Variants in KCNMA1 observed in about 807,000 individuals in gnomAD.
The protein encoded by KCNMA1 is Calcium-activated potassium channel subunit alpha-1.
A neutral mutation model predicts 140.0 loss-of-function variants in KCNMA1; 29 were observed. That is an observed-to-expected ratio of 0.21 (90% CI 0.15 to 0.28). KCNMA1 has a LOEUF of 0.28. Ranked by LOEUF, KCNMA1 falls within the 10% of genes least tolerant of loss-of-function variation. KCNMA1 has a pLI of 1.00. For synonymous variants in KCNMA1, 612 were observed against 611.9 expected (o/e 1.00, Z 0.00); for missense variants, 880 against 1,602.2 (o/e 0.55, Z 7.70).
intron 1 of KCNMA1, among the ~76,000 whole-genome samples, chr10:77,452,391 T>C (rs2097679617): frequency 6.6e-6 from 1 of 152,180 alleles, no homozygotes; most frequent in Non-Finnish European, 1.5e-5. Context: ...GGGTTAACTT[T>C]TGTGAAAGTT....
intron 2 of KCNMA1, among the ~76,000 whole-genome samples, chr10:77,354,955 G>A (rs1455551534): frequency 6.6e-6 from 1 of 152,170 alleles, no homozygotes; most frequent in Non-Finnish European, 1.5e-5. Context: ...CATTTGATAT[G>A]GTTTGGCTCT....
intron 1 of KCNMA1, among the ~76,000 whole-genome samples, chr10:77,556,552 A>T (rs2064532412): frequency 6.7e-6 from 1 of 149,988 alleles, no homozygotes; most frequent in Admixed American, 6.6e-5. Context: ...TGTAAAGTGC[A>T]GTCTATGGAA....
intron 23 of KCNMA1, among the ~76,000 whole-genome samples, chr10:76,938,852 G>T (rs1453132047): frequency 6.6e-6 from 1 of 151,866 alleles, no homozygotes; most frequent in African/African-American, 2.4e-5. Flanking sequence ...AGCTCACTTT[G>T]CCTCCACCTG....
chr10:76,967,226 G>C (rs1196148697), intron 20 of KCNMA1, among the ~76,000 whole-genome samples: 1 of 152,154 alleles, frequency 6.6e-6, no homozygotes, highest in Non-Finnish European at 1.5e-5. Context: ...CAGAATGATT[G>C]ATTCTGCTCA....
intron 1 of KCNMA1, among the ~76,000 whole-genome samples, chr10:77,606,214 C>T (rs906852911): frequency 6.6e-5 from 10 of 152,162 alleles, no homozygotes; most frequent in African/African-American, 2.2e-4. Flanking sequence ...TCCCACTGTC[C>T]CACTGTCCTA....
intron 1 of KCNMA1, among the ~76,000 whole-genome samples, chr10:77,561,174 C>T (rs1259665044): frequency 6.6e-6 from 1 of 151,852 alleles, no homozygotes; most frequent in Non-Finnish European, 1.5e-5. Context: ...GCTAACATTC[C>T]CTGAAAACTA....
At position 77,075,306 on chromosome 10, in the gene KCNMA1, A is replaced by G. The variant is rs189880704; in HGVS notation, c.1594-2054T>C. Reference sequence around the variant, plus strand: ...CCCTTTTACTTCCTGGGCATCGTAGAGAACACATTGGTATAACTGGAGAAA... The same window carrying G: ...CCCTTTTACTTCCTGGGCATCGTAGGGAACACATTGGTATAACTGGAGAAA... On this transcript the variant is annotated intron_variant, in intron 13 of 27. Coordinates refer to ENST00000286628, the MANE Select transcript of KCNMA1 (RefSeq NM_001161352.2). 3.2e-3 allele frequency among the ~76,000 whole-genome samples: 491 copies of G among 152,352 alleles called. 2 individuals are homozygous for G. Among genetic ancestry groups the G allele is most frequent in the Non-Finnish European group, 4.9e-3 (333 of 68,032 alleles).
chr10:76,914,121 C>A (rs1276879098), intron 24 of KCNMA1: 4 of 1,550,338 alleles, frequency 2.6e-6, no homozygotes, highest in South Asian at 2.4e-5. Context: ...ATACCAAAGG[C>A]AACTTGCCCG....
rs558483532 is a variant in KCNMA1, at chr10:77,374,818, C to T, written c.540+29044G>A. ...AAAGCTGGTAGGGTTCCCCATGACCCCTAGGACTGAATGAGTGCCCACATT... is the reference window on the plus strand; with the variant it reads ...AAAGCTGGTAGGGTTCCCCATGACCTCTAGGACTGAATGAGTGCCCACATT... On this transcript the variant is annotated intron_variant, in intron 2 of 27. Transcript: ENST00000286628. Among the ~76,000 whole-genome samples, 85 of 152,300 alleles carry T rather than the reference C, an allele frequency of 5.6e-4. No individual in the cohort carries two copies. In the South Asian group the frequency reaches 0.017, roughly 31 times the overall value.
intron 1 of KCNMA1, among the ~76,000 whole-genome samples, chr10:77,453,216 TCA>T (rs2097695640): frequency 6.6e-6 from 1 of 152,110 alleles, no homozygotes; most frequent in East Asian, 1.9e-4. Flanking sequence ...TCCTAAGCAC[TCA>T]GTTTTAAAAT....
chr10:77,528,434 C>T (rs2056555031), intron 1 of KCNMA1, among the ~76,000 whole-genome samples: 1 of 151,972 alleles, frequency 6.6e-6, no homozygotes, highest in South Asian at 2.1e-4. Context: ...CATGGTGAAA[C>T]CCTGTCTCTA....
intron 5 of KCNMA1, among the ~76,000 whole-genome samples, chr10:77,180,015 G>A (rs776271417): frequency 1.3e-5 from 2 of 152,192 alleles, no homozygotes; most frequent in Non-Finnish European, 2.9e-5. Flanking sequence ...TGTGGGGAGC[G>A]TTCTGGGACA....
chr10:77,356,674 A>T (rs1388925222), intron 2 of KCNMA1, among the ~76,000 whole-genome samples: 1 of 152,102 alleles, frequency 6.6e-6, no homozygotes, highest in Non-Finnish European at 1.5e-5. Flanking sequence ...ACCCAACCAA[A>T]CCATATCATA....
chr10:77,340,247 C>G (rs1022023770), intron 2 of KCNMA1, among the ~76,000 whole-genome samples: 1 of 152,196 alleles, frequency 6.6e-6, no homozygotes, highest in Admixed American at 6.5e-5. Context: ...AATAGGAACA[C>G]TTTTACACTG....
At chr10:77,191,689 T>C (rs981863840) in intron 3 of KCNMA1, among the ~76,000 whole-genome samples, 1 of 152,162 alleles carries the variant, frequency 6.6e-6, no homozygotes, top group Non-Finnish European at 1.5e-5. Flanking sequence ...CATCCATCAA[T>C]AGTAATGATG....
At chr10:77,566,784 C>T (rs1358315105) in intron 1 of KCNMA1, among the ~76,000 whole-genome samples, 2 of 152,128 alleles carry the variant, frequency 1.3e-5, no homozygotes, top group African/African-American at 2.4e-5. Context: ...TGTTCATGTA[C>T]TCACTTCGTG....
intron 2 of KCNMA1, among the ~76,000 whole-genome samples, chr10:77,391,720 T>C (rs533311440): frequency 6.6e-6 from 1 of 152,108 alleles, no homozygotes; most frequent in South Asian, 2.1e-4. Context: ...TTGGGCTGTT[T>C]GGGGCCCGTA....
intron 1 of KCNMA1, among the ~76,000 whole-genome samples, chr10:77,414,471 A>G (rs2096690902): frequency 6.6e-6 from 1 of 150,910 alleles, no homozygotes; most frequent in Non-Finnish European, 1.5e-5. Flanking sequence ...CCTGCAAGAT[A>G]GGAATGTTTT....
chr10:77,418,531 G>A (rs975109056), intron 1 of KCNMA1, among the ~76,000 whole-genome samples: 3 of 152,040 alleles, frequency 2.0e-5, no homozygotes, highest in Non-Finnish European at 4.4e-5. Context: ...AGAGCTCACC[G>A]AGTGTCTGGA....
Sources: gnomAD v4.1 joint callset for allele counts (sites outside exome capture counted in the v4.1 genomes callset) on GRCh38, gnomAD v4.1.1 for gene constraint, MANE v1.5 for transcripts, NCBI Gene and HGNC (gene_info 2026-07-23, HGNC 2026-07-21) for gene names.